The following HECW1 variants were observed in gnomAD, a reference collection of about 807,000 sequenced individuals.
The protein encoded by HECW1 is HECT, C2 and WW domain containing E3 ubiquitin protein ligase 1.
Under a neutral mutation model 182.3 loss-of-function variants are expected in HECW1, and 61 were observed. The ratio of observed to expected loss-of-function variants is 0.33; its 90% confidence interval spans 0.27 to 0.41. HECW1 has a LOEUF of 0.41. Ranked by LOEUF, HECW1 falls within the 10% of genes least tolerant of loss-of-function variation. HECW1 has a pLI of 1.00. For missense variants in HECW1, 1,739 were observed against 2,108.9 expected, an observed-to-expected ratio of 0.82 and a Z score of 3.44; for synonymous variants, 859 against 832.6, an observed-to-expected ratio of 1.03 and a Z score of -0.55.
intron 2 of HECW1, among the ~76,000 whole-genome samples, chr7:43,173,032 T>G (rs887490698): frequency 6.6e-6 from 1 of 152,202 alleles, no homozygotes; most frequent in Admixed American, 6.5e-5. Flanking sequence ...GACAGAAGCC[T>G]CCGCGTTCAG....
At chr7:43,250,326 A>C (rs1799897156) in intron 3 of HECW1, among the ~76,000 whole-genome samples, 1 of 152,096 alleles carries the variant, frequency 6.6e-6, no homozygotes, top group Non-Finnish European at 1.5e-5. Flanking sequence ...CCTGGCTTGG[A>C]TGTTGTAGAT....
rs527439253 is a variant in HECW1, at chr7:43,500,709, C to G, written c.3448C>G (p.His1150Asp). 6.2e-7 allele frequency: 1 copy of G among 1,613,350 alleles called. No individual in the cohort carries two copies. The highest frequency in any genetic ancestry group is 1.3e-5 in the African/African-American group (1 of 75,024). The change falls in exon 20 of 30, where the codon CAT (histidine) becomes GAT (aspartate). Residue 1150 changes from histidine (H) to aspartate (D), a missense_variant. His to Asp is a moderately conservative substitution (Grantham distance 81). Around this residue, in one of 5 missense-constraint regions of HECW1, gnomAD observed 420 missense variants for 595.7 expected, o/e 0.71. Coordinates refer to ENST00000395891, the MANE Select transcript of HECW1 (RefSeq NM_015052.5). ...ARNHTLREKI[H>D]YIRTEGNHGL... The stretch of plus-strand genomic sequence containing the variant: ...TCTCACATGATTCAGGGAGAAAATC[C>G]ATTACATTCGGACTGAGGGTAATCA...
chr7:43,486,494 G>C (rs1207068069), intron 17 of HECW1, among the ~76,000 whole-genome samples: 1 of 152,124 alleles, frequency 6.6e-6, no homozygotes, highest in African/African-American at 2.4e-5. Flanking sequence ...GTAGAGACGG[G>C]GTTTCACCGT....
chr7:43,238,960 C>G (rs1259580300), intron 2 of HECW1: 1 of 152,128 alleles, frequency 6.6e-6, no homozygotes, highest in African/African-American at 2.4e-5. Context: ...TGTTATATAA[C>G]AGTAAATTTT....
intron 3 of HECW1, among the ~76,000 whole-genome samples, chr7:43,296,537 C>T (rs899563426): frequency 7.2e-5 from 11 of 152,180 alleles, no homozygotes; most frequent in Admixed American, 2.6e-4. Flanking sequence ...CTGCGGAAGC[C>T]TCAAGTTGAA....
At position 43,281,403 on chromosome 7, in the gene HECW1, G is replaced by A. The variant is rs564139282; in HGVS notation, c.28-30360G>A. 9.2e-5 allele frequency among the ~76,000 whole-genome samples: 14 copies of A among 152,252 alleles called. No individual in the cohort carries two copies. The East Asian group carries it at 2.3e-3, about 25-fold the overall frequency. On this transcript the variant is annotated intron_variant, in intron 3 of 29. Transcript: ENST00000395891. ...TGTGCCAAGCTCTATACATGAATTA[G>A]CCCTGATTTTCAAACAACTTTATCG...
chr7:43,195,991 G>GCAC lies in HECW1; in HGVS notation c.-31-47880_-31-47878dup, dbSNP rs544625030. On this transcript the variant is annotated intron_variant, in intron 2 of 29. Transcript: ENST00000395891. ...CTAGGAGAAACCCAGGCCAAATCCA[G>GCAC]CACCACGTTGGGTCCAGTCGGTCTT... Among the ~76,000 whole-genome samples the GCAC allele has an allele frequency of 6.6e-5, 10 of 152,298 alleles. No individual in the cohort carries two copies. The East Asian group carries it at 1.9e-3, about 29-fold the overall frequency.
rs1236822310 is a variant in HECW1 at position 43,114,270 on chromosome 7, T to A, written c.-153T>A. On this transcript the variant is annotated 5_prime_UTR_variant, in exon 2 of 30. An upstream start codon of the reference 5' UTR is lost. Transcript: ENST00000395891. Reference sequence around the variant, plus strand: ...TTTAAACGCGATTTAGGAGGGCAGATGCCCTACCCGAAAAGGCCAACCGTT... The same window carrying A: ...TTTAAACGCGATTTAGGAGGGCAGAAGCCCTACCCGAAAAGGCCAACCGTT... 5.1e-6 allele frequency: 7 copies of A among 1,363,836 alleles called. No homozygotes were observed. Among genetic ancestry groups the A allele is most frequent in the Non-Finnish European group, 3.9e-6 (4 of 1,034,732 alleles). The allele number at this position is 1,363,836 out of a possible 1,614,324, so 84.5% of individuals were successfully genotyped here. A position where few individuals can be genotyped will look rare whatever the true frequency, so the allele number is the denominator to read the frequency against.
intron 5 of HECW1, among the ~76,000 whole-genome samples, chr7:43,341,275 A>G (rs1038421408): frequency 1.3e-5 from 2 of 151,468 alleles, no homozygotes; most frequent in Non-Finnish European, 2.9e-5. Context: ...AAACCTGCAC[A>G]TTGTGCACAT....
chr7:43,169,194 C>T (rs1327442898), intron 2 of HECW1, among the ~76,000 whole-genome samples: 2 of 152,156 alleles, frequency 1.3e-5, no homozygotes, highest in African/African-American at 4.8e-5. Context: ...ATTCCCAATT[C>T]TGTCATCTTT....
intron 8 of HECW1, among the ~76,000 whole-genome samples, chr7:43,437,116 A>G (rs1218742991): frequency 2.0e-5 from 3 of 152,188 alleles, no homozygotes; most frequent in African/African-American, 7.2e-5. Context: ...CCTGGACTTC[A>G]GTTTGGAGCA....
intron 6 of HECW1, among the ~76,000 whole-genome samples, chr7:43,374,822 GAAAA>G (rs375596966): frequency 5.5e-5 from 7 of 127,220 alleles, no homozygotes; most frequent in African/African-American, 2.3e-4. Context: ...AATAACCAGT[GAAAA>G]AAAGATGAAA....
intron 3 of HECW1, among the ~76,000 whole-genome samples, chr7:43,272,880 C>A (rs1015203013): frequency 6.6e-6 from 1 of 152,122 alleles, no homozygotes; most frequent in Non-Finnish European, 1.5e-5. Context: ...GCATGATCAT[C>A]GCTGCACTAT....
chr7:43,310,371 C>T (rs1195133553), intron 3 of HECW1, among the ~76,000 whole-genome samples: 2 of 152,136 alleles, frequency 1.3e-5, no homozygotes, highest in Non-Finnish European at 2.9e-5. Flanking sequence ...CACCATGGTC[C>T]ATCTATTTTC....
chr7:43,563,822 CTG>C lies in HECW1; in HGVS notation c.*1899_*1900del. ...AAGCAGAGGTTGCAGTGAGCCAAGA[CTG>C]TGCCACTGCACTCCAGCCTGGATGA... On this transcript the variant is annotated 3_prime_UTR_variant, in exon 30 of 30. Coordinates refer to ENST00000395891, the MANE Select transcript of HECW1 (RefSeq NM_015052.5). 1 of 178,942 alleles carries C rather than the reference CTG, an allele frequency of 5.6e-6. No individual in the cohort carries two copies. The highest frequency in any genetic ancestry group is 1.2e-5 in the Non-Finnish European group (1 of 83,456). 11.1% of individuals were successfully genotyped at this position (178,942 alleles called of 1,614,324 possible). A position where few individuals can be genotyped will look rare whatever the true frequency, so the allele number is the denominator to read the frequency against.
chr7:43,289,162 A>T (rs1805054386), intron 3 of HECW1, among the ~76,000 whole-genome samples: 1 of 149,786 alleles, frequency 6.7e-6, no homozygotes, highest in African/African-American at 2.5e-5. Flanking sequence ...GCTGGAGTGC[A>T]GTGGCGTGAT....
intron 4 of HECW1, among the ~76,000 whole-genome samples, chr7:43,313,145 G>A (rs937105465): frequency 3.9e-5 from 6 of 152,112 alleles, no homozygotes; most frequent in Non-Finnish European, 7.4e-5. Context: ...CTTGGTTAGT[G>A]CGTTTATAAT....
chr7:43,339,055 A>C (rs1481085199), intron 5 of HECW1, among the ~76,000 whole-genome samples: 2 of 152,194 alleles, frequency 1.3e-5, no homozygotes, highest in African/African-American at 4.8e-5. Context: ...ATTCCTTTGA[A>C]GGTAACTATC....
At chr7:43,185,911 T>A (rs1248774820) in intron 2 of HECW1, among the ~76,000 whole-genome samples, 2 of 152,178 alleles carry the variant, frequency 1.3e-5, no homozygotes, top group Non-Finnish European at 2.9e-5. Flanking sequence ...TTCTGAAAAT[T>A]TAACAATCTT....
Sources: gnomAD v4.1 joint callset for allele counts (sites outside exome capture counted in the v4.1 genomes callset) on GRCh38, gnomAD v4.1.1 for gene constraint, gnomAD v4.1.1 regional missense constraint, MANE v1.5 for transcripts, NCBI Gene and HGNC (gene_info 2026-07-23, HGNC 2026-07-21) for gene names.